HDAC4: variants seen among roughly 807,000 people sequenced by gnomAD.
HDAC4 encodes the protein histone deacetylase 4, also known as histone deacetylase A.
A neutral mutation model predicts 135.1 loss-of-function variants in HDAC4; 16 were observed. That is an observed-to-expected ratio of 0.12 (90% confidence interval 0.08 to 0.18). The LOEUF (loss-of-function observed/expected upper bound fraction) is 0.18, where lower values mean the gene tolerates loss of function less well. Among genes scored for constraint, HDAC4 ranks in the 10% least tolerant of loss-of-function variants. The probability of loss-of-function intolerance (pLI) is 1.00; values close to 1 mark genes in which losing one functional copy is unlikely to be tolerated. For synonymous variants in HDAC4, 685 were observed against 653.4 expected (o/e 1.05, Z -0.74); for missense variants, 1,143 against 1,511.8 (o/e 0.76, Z 4.05).
At chr2:239,351,210 A>C (rs1013516698) in intron 2 of HDAC4, among the ~76,000 whole-genome samples, 1 of 152,240 alleles carries the variant, frequency 6.6e-6, no homozygotes, top group East Asian at 1.9e-4. Flanking sequence ...AAGTTTACAA[A>C]ATATATGTAT....
intron 17 of HDAC4, among the ~76,000 whole-genome samples, chr2:239,093,353 C>T (rs2036698762): frequency 6.6e-6 from 1 of 152,156 alleles, no homozygotes; most frequent in South Asian, 2.1e-4. Context: ...GCTGTGTGCC[C>T]ACACTTCGGC....
chr2:239,394,127 C>T (rs1004925196), intron 1 of HDAC4, among the ~76,000 whole-genome samples: 1 of 152,126 alleles, frequency 6.6e-6, no homozygotes, highest in Admixed American at 6.5e-5. Flanking sequence ...ACCGCTTGAA[C>T]AATACTCCCA....
At chr2:239,164,586 T>C (rs1402673111) in intron 5 of HDAC4, among the ~76,000 whole-genome samples, 1 of 152,244 alleles carries the variant, frequency 6.6e-6, no homozygotes, top group Non-Finnish European at 1.5e-5. Flanking sequence ...ACACAAGGCC[T>C]GTTAGCACGG....
At chr2:239,290,799 T>C (rs769706416) in intron 2 of HDAC4, among the ~76,000 whole-genome samples, 1 of 152,188 alleles carries the variant, frequency 6.6e-6, no homozygotes, top group Non-Finnish European at 1.5e-5. Flanking sequence ...TCTAGGGCAC[T>C]ATGGGGAGGG....
At chr2:239,145,752 T>C (rs992351723) in intron 7 of HDAC4, among the ~76,000 whole-genome samples, 2 of 152,212 alleles carry the variant, frequency 1.3e-5, no homozygotes, top group Non-Finnish European at 2.9e-5. Context: ...GTTCTTAATC[T>C]TTCTGGAACA....
At position 239,400,449 on chromosome 2, in the gene HDAC4, C is replaced by T. The variant is rs1227228219; in HGVS notation, c.-220+529G>A. ...GCCGTGCCCACCCCCGCGCCCCCGCCCCGGCGGGCGAAGCCGCCTCGCGGC... is the reference window on the plus strand; with the variant it reads ...GCCGTGCCCACCCCCGCGCCCCCGCTCCGGCGGGCGAAGCCGCCTCGCGGC... On this transcript the variant is annotated intron_variant, in intron 1 of 26. Transcript: ENST00000543185. The surrounding 1 kb of genome is among the most constrained non-coding windows in gnomAD (Gnocchi z 4.7). The T allele has an allele frequency of 6.8e-6, 1 of 146,400 alleles. No individual in the cohort carries two copies. Among genetic ancestry groups the T allele is most frequent in the Admixed American group, 6.8e-5 (1 of 14,748 alleles). The allele number at this position is 146,400 out of a possible 1,614,324, so 9.1% of individuals were successfully genotyped here.
chr2:239,353,641 C>G (rs910942236), intron 1 of HDAC4, among the ~76,000 whole-genome samples: 3 of 152,140 alleles, frequency 2.0e-5, no homozygotes, highest in Non-Finnish European at 4.4e-5. Flanking sequence ...AATATCATCC[C>G]CTGGTTCAAA....
Position 239,293,580 on chromosome 2 carries a change from A to G in HDAC4, c.23-56916T>C, listed in dbSNP as rs2051665612. 2.0e-5 allele frequency among the ~76,000 whole-genome samples: 3 copies of G among 152,316 alleles called. No individual in the cohort carries two copies. The South Asian group carries it at 6.2e-4, about 32-fold the overall frequency. On this transcript the variant is annotated intron_variant, in intron 2 of 26. Coordinates refer to ENST00000543185, the MANE Select transcript of HDAC4 (RefSeq NM_001378414.1). ...CAAGAGCCAGGCAGAAGCTGAGAGC[A>G]GGAGCCCGAGGCCCACCTGCTTATG...
rs947997367 is a variant in HDAC4, at chr2:239,167,057, G to A, written c.491-3134C>T. Among the ~76,000 whole-genome samples, 7 of 151,978 alleles carry A rather than the reference G, an allele frequency of 4.6e-5. No individual in the cohort carries two copies. The highest frequency in any genetic ancestry group is 1.7e-4 in the African/African-American group (7 of 41,368). On this transcript the variant is annotated intron_variant, in intron 5 of 26. Transcript: ENST00000543185. This position sits in a 1 kb window ranked among gnomAD's most constrained non-coding sequence, Gnocchi z 4.1. ...AGATGGCCAGTTGTTGGAGGGGACT[G>A]CCCTGCAGGTCCCCCTACATGGCCG...
In HDAC4 at chr2:239,235,152, G is replaced by A. The variant is rs188153108; in HGVS notation, c.94+1441C>T. 2.5e-4 allele frequency among the ~76,000 whole-genome samples: 38 copies of A among 152,264 alleles called. 1 individual carries two copies. Among genetic ancestry groups the A allele is most frequent in the Middle Eastern group, 3.4e-3 (1 of 294 alleles). On this transcript the variant is annotated intron_variant, in intron 3 of 26. Coordinates refer to ENST00000543185, the MANE Select transcript of HDAC4 (RefSeq NM_001378414.1). Reference sequence around the variant, plus strand: ...ACTGCTTGATCAGTAATAATGCAGAGTAAAATCAAGGTGTAAAAAACAGAC... The same window carrying A: ...ACTGCTTGATCAGTAATAATGCAGAATAAAATCAAGGTGTAAAAAACAGAC...
chr2:239,098,324 C>T (rs561978565), intron 16 of HDAC4, among the ~76,000 whole-genome samples: 6 of 152,362 alleles, frequency 3.9e-5, no homozygotes, highest in Admixed American at 1.3e-4. Context: ...TACTACTTGT[C>T]TGTTTGCCGC....
chr2:239,320,169 G>A (rs2053258721), intron 2 of HDAC4, among the ~76,000 whole-genome samples: 1 of 152,016 alleles, frequency 6.6e-6, no homozygotes, highest in Admixed American at 6.6e-5. Context: ...GATCACCTGA[G>A]GTCAGAAGTT....
intron 13 of HDAC4, among the ~76,000 whole-genome samples, chr2:239,113,975 G>C (rs559157989): frequency 1.3e-5 from 2 of 152,332 alleles, no homozygotes; most frequent in South Asian, 4.1e-4. Flanking sequence ...GCCACTGGGG[G>C]AAGCTCGGTG....
chr2:239,304,791 G>A (rs768107223), intron 2 of HDAC4, among the ~76,000 whole-genome samples: 16 of 152,130 alleles, frequency 1.1e-4, no homozygotes, highest in East Asian at 1.9e-4. Flanking sequence ...CGCTATGGAC[G>A]CTGACTGTCC....
intron 2 of HDAC4, among the ~76,000 whole-genome samples, chr2:239,238,155 AAG>A (rs751822139): frequency 3.3e-5 from 5 of 152,212 alleles, no homozygotes; most frequent in Non-Finnish European, 7.3e-5. Context: ...GCAACTCAGA[AAG>A]AGACCCCAGA....
intron 5 of HDAC4, among the ~76,000 whole-genome samples, chr2:239,165,053 T>C (rs2043041530): frequency 6.6e-6 from 1 of 152,066 alleles, no homozygotes; most frequent in African/African-American, 2.4e-5. Flanking sequence ...TGAAACCCTG[T>C]CTCTACTAAA....
intron 24 of HDAC4, among the ~76,000 whole-genome samples, chr2:239,063,001 CGCCAAGGCCCTGACCTT>C (rs1231645810): frequency 2.6e-5 from 4 of 152,142 alleles, no homozygotes; most frequent in African/African-American, 9.7e-5. Context: ...GTCCTGACCC[CGCCAAGGCCCTGACCTT>C]GGCCATTGCC....
chr2:239,265,995 G>A (rs542480249), intron 2 of HDAC4, among the ~76,000 whole-genome samples: 3 of 152,268 alleles, frequency 2.0e-5, no homozygotes, highest in Admixed American at 1.3e-4. Flanking sequence ...TGGCAGGAGC[G>A]TGGCCTGCCT....
intron 1 of HDAC4, among the ~76,000 whole-genome samples, chr2:239,386,500 G>T (rs1346668717): frequency 6.6e-6 from 1 of 152,170 alleles, no homozygotes; most frequent in Non-Finnish European, 1.5e-5. Context: ...CCGGCCAGGG[G>T]AGGGTGCGAG....
Sources: allele counts gnomAD v4.1 joint callset (sites outside exome capture counted in the v4.1 genomes callset), GRCh38; gene constraint gnomAD v4.1.1; non-coding constraint Gnocchi (gnomAD v3.1); transcripts MANE v1.5; gene names NCBI Gene and HGNC (gene_info 2026-07-23, HGNC 2026-07-21).